The following TENM4 variants were observed in gnomAD, a reference collection of about 807,000 sequenced individuals.
TENM4 encodes teneurin transmembrane protein 4, also known as teneurin-4.
In TENM4, 82 loss-of-function variants were observed where a neutral mutation model predicts 243.3. The observed-to-expected ratio is 0.34, with a 90% confidence interval of 0.28 to 0.40. TENM4 has a LOEUF of 0.40. TENM4 is among the 10% of genes least tolerant of loss of function. TENM4 has a pLI of 1.00. For missense variants in TENM4, 3,138 were observed against 3,673.3 expected (o/e 0.85, Z 3.77); for synonymous variants, 1,412 against 1,456.3 (o/e 0.97, Z 0.69).
At chr11:79,265,956 TC>T (rs1275037815) in intron 2 of TENM4, among the ~76,000 whole-genome samples, 1 of 152,176 alleles carries the variant, frequency 6.6e-6, no homozygotes, top group African/African-American at 2.4e-5. Flanking sequence ...CTCTCAGAAC[TC>T]TTATTCATCC....
At position 79,124,869 on chromosome 11, in the gene TENM4, GTATGTGTATATATGTATATGTA is replaced by G. The variant is rs1237251617; in HGVS notation, c.-66+23819_-66+23840del. On this transcript the variant is annotated intron_variant, in intron 4 of 33. Coordinates refer to ENST00000278550, the MANE Select transcript of TENM4 (RefSeq NM_001098816.3). Reference sequence around the variant, plus strand: ...TACACATATGTATATATATGTATATGTATGTGTATATATGTATATGTATATGTGTGTGTGTGTGTGTGTGTGT... The same window carrying G: ...TACACATATGTATATATATGTATATGTATGTGTGTGTGTGTGTGTGTGTGT... Among the ~76,000 whole-genome samples, 14 of 117,418 alleles carry G rather than the reference GTATGTGTATATATGTATATGTA, an allele frequency of 1.2e-4. No homozygotes were observed. In the South Asian group the frequency reaches 2.9e-3, roughly 25 times the overall value. The allele number at this position is 117,418 out of a possible 152,430, so 77.0% of individuals were successfully genotyped here.
chr11:79,337,024 G>A (rs1857159235), intron 1 of TENM4, among the ~76,000 whole-genome samples: 1 of 152,228 alleles, frequency 6.6e-6, no homozygotes, highest in African/African-American at 2.4e-5. Context: ...AATAGCCGAG[G>A]GGACAAGGAG....
intron 1 of TENM4, among the ~76,000 whole-genome samples, chr11:79,318,417 A>T (rs1856836442): frequency 6.6e-6 from 1 of 152,190 alleles, no homozygotes; most frequent in South Asian, 2.1e-4. Context: ...TTATTAATGA[A>T]TTTTACCCAC....
At chr11:78,925,957 A>C (rs75097511) in intron 6 of TENM4, among the ~76,000 whole-genome samples, 26,299 of 145,168 alleles carry the variant, frequency 0.18, 2,747 homozygotes, top group Non-Finnish European at 0.24. Flanking sequence ...GAAAAGAAAT[A>C]AAAAAAAAAA....
chr11:79,041,637 T>A (rs1859535252), intron 6 of TENM4, among the ~76,000 whole-genome samples: 1 of 152,224 alleles, frequency 6.6e-6, no homozygotes, highest in South Asian at 2.1e-4. Context: ...AGAGTGGCCT[T>A]TGGGGAAGCA....
chr11:79,423,896 G>T (rs1022378938), intron 1 of TENM4, among the ~76,000 whole-genome samples: 4 of 152,144 alleles, frequency 2.6e-5, no homozygotes, highest in Non-Finnish European at 5.9e-5. Flanking sequence ...GACGTCAAAT[G>T]CTTCCCACTT....
At position 78,708,511 on chromosome 11, in the gene TENM4, A is replaced by T. The variant is rs770290902; in HGVS notation, c.4059T>A (p.Ile1353=). The change falls in exon 27 of 34, where the codon ATT becomes ATA. Residue 1353 remains isoleucine, a synonymous_variant. Coordinates refer to ENST00000278550, the MANE Select transcript of TENM4 (RefSeq NM_001098816.3). The part of the protein sequence containing the change: ...TEATLTNPRG[I]TVDKFGLIYF... ...AGATCAGCCCAAACTTGTCCACTGT[A>T]ATGCCTGGGGGCAGAGAAGCCAAAA... The T allele has an allele frequency of 6.2e-6, 10 of 1,613,784 alleles. No homozygotes were observed. In the East Asian group the frequency reaches 2.2e-4, roughly 36 times the overall value.
chr11:79,296,486 C>T (rs528727363), intron 2 of TENM4, among the ~76,000 whole-genome samples: 1 of 152,310 alleles, frequency 6.6e-6, no homozygotes, highest in African/African-American at 2.4e-5. Context: ...GAAAACATTG[C>T]TTTCTGGAAG....
intron 6 of TENM4, chr11:78,903,766 G>T: frequency 1.4e-6 from 1 of 717,504 alleles, no homozygotes; most frequent in Non-Finnish European, 2.5e-6. Context: ...AATTCTAGCA[G>T]GGGAGTGAAA....
At chr11:79,324,344 C>T (rs1172579468) in intron 1 of TENM4, among the ~76,000 whole-genome samples, 1 of 152,024 alleles carries the variant, frequency 6.6e-6, no homozygotes, top group Non-Finnish European at 1.5e-5. Flanking sequence ...GCCTTTGTAT[C>T]CCAAGTAGCC....
intron 30 of TENM4, among the ~76,000 whole-genome samples, chr11:78,673,142 C>T (rs1260250051): frequency 6.6e-6 from 1 of 152,054 alleles, no homozygotes; most frequent in African/African-American, 2.4e-5. Flanking sequence ...TAGGCCAGCA[C>T]ACAGTTCAAT....
intron 4 of TENM4, among the ~76,000 whole-genome samples, chr11:79,094,551 G>A (rs776619598): frequency 2.1e-4 from 32 of 152,182 alleles, no homozygotes; most frequent in Non-Finnish European, 4.0e-4. Context: ...GTGAATCAGT[G>A]AGAAGTGTCA....
Position 78,903,470 on chromosome 11 carries a change from G to C in TENM4, c.547C>G (p.Leu183Val), listed in dbSNP as rs548602509. ...TGGTTGGGGGTGTGGGCGTGCGAGA[G>C]CGGCGGCGGCGGCGTCCGGAGCCGC... is the stretch of plus-strand genomic sequence containing the variant. ...HARLRTPPPP[L>V]SHAHTPNQHH... is the part of the protein sequence containing the mutation. The change falls in exon 7 of 34, where the codon CTC (leucine) becomes GTC (valine). Residue 183 changes from leucine to valine, a missense_variant. Transcript: ENST00000278550. 8.7e-5 allele frequency: 134 copies of C among 1,543,488 alleles called. No homozygotes were observed. The African/African-American group carries it at 1.8e-3, about 20-fold the overall frequency.
intron 3 of TENM4, among the ~76,000 whole-genome samples, chr11:79,210,560 G>A (rs994149075): frequency 6.6e-6 from 1 of 152,202 alleles, no homozygotes; most frequent in African/African-American, 2.4e-5. Flanking sequence ...GGGAAAAGCG[G>A]TCATGGGCCT....
chr11:79,328,419 C>T (rs1857008621), intron 1 of TENM4, among the ~76,000 whole-genome samples: 1 of 152,316 alleles, frequency 6.6e-6, no homozygotes, highest in Admixed American at 6.5e-5. Context: ...ATCACAGCAG[C>T]TGGAAAGACA....
intron 3 of TENM4, among the ~76,000 whole-genome samples, chr11:79,171,131 C>T (rs1863030331): frequency 6.6e-6 from 1 of 150,660 alleles, no homozygotes. Context: ...TCCTATCTTA[C>T]CTGTGAGAAG....
intron 6 of TENM4, among the ~76,000 whole-genome samples, chr11:78,972,209 A>G (rs549973643): frequency 1.3e-5 from 2 of 152,268 alleles, no homozygotes; most frequent in South Asian, 4.2e-4. Context: ...TTGGGTCCCT[A>G]ATGGGAGGAG....
chr11:78,751,626 C>T (rs1224596245), intron 19 of TENM4, among the ~76,000 whole-genome samples: 1 of 152,168 alleles, frequency 6.6e-6, no homozygotes, highest in Non-Finnish European at 1.5e-5. Context: ...ACTTGCTAAC[C>T]TGTCCAGCAT....
chr11:78,777,625 A>G (rs974002763), intron 17 of TENM4, among the ~76,000 whole-genome samples: 3 of 152,182 alleles, frequency 2.0e-5, no homozygotes, highest in Non-Finnish European at 4.4e-5. Context: ...TAGCCTTATG[A>G]GGTGGGTCCT....
Sources: allele counts gnomAD v4.1 joint callset (sites outside exome capture counted in the v4.1 genomes callset), GRCh38; gene constraint gnomAD v4.1.1; transcripts MANE v1.5; gene names NCBI Gene and HGNC (gene_info 2026-07-23, HGNC 2026-07-21).